NELL1: variants seen among roughly 807,000 people sequenced by gnomAD.
NELL1 encodes the protein neural EGFL like 1.
Under a neutral mutation model 107.4 loss-of-function variants are expected in NELL1, and 76 were observed. The observed-to-expected ratio is 0.71, with a 90% CI of 0.59 to 0.86. NELL1 has a LOEUF of 0.86. Among genes scored for constraint, NELL1 ranks in the 40% least tolerant of loss-of-function variants. The probability of loss-of-function intolerance (pLI) is 0.00; values close to 1 mark genes in which losing one functional copy is unlikely to be tolerated. For missense variants in NELL1, 1,024 were observed against 1,005.5 expected (o/e 1.02, Z -0.25); for synonymous variants, 353 against 341.2 (o/e 1.03, Z -0.38).
At chr11:21,481,420 G>T (rs1249178087) in intron 15 of NELL1, among the ~76,000 whole-genome samples, 1 of 152,186 alleles carries the variant, frequency 6.6e-6, no homozygotes, top group Non-Finnish European at 1.5e-5. Flanking sequence ...AGTGAAGATT[G>T]CAGCATGACT....
chr11:21,428,432 A>G (rs1159247739), intron 15 of NELL1, among the ~76,000 whole-genome samples: 1 of 152,172 alleles, frequency 6.6e-6, no homozygotes, highest in African/African-American at 2.4e-5. Flanking sequence ...CGATAAAGTT[A>G]TTATTGTTAC....
At chr11:20,804,432 C>T (rs561573620) in intron 3 of NELL1, among the ~76,000 whole-genome samples, 53 of 152,232 alleles carry the variant, frequency 3.5e-4, no homozygotes, top group Middle Eastern at 3.4e-3. Context: ...GATGGGGTTT[C>T]GCCATGTTGG....
chr11:21,379,474 G>C (rs1012876936), intron 15 of NELL1, among the ~76,000 whole-genome samples: 21 of 151,994 alleles, frequency 1.4e-4, no homozygotes, highest in African/African-American at 4.8e-4. Context: ...AATATTTAGG[G>C]ATATCGGTAA....
chr11:21,051,524 A>C (rs914268137), intron 12 of NELL1, among the ~76,000 whole-genome samples: 1 of 152,144 alleles, frequency 6.6e-6, no homozygotes, highest in Non-Finnish European at 1.5e-5. Flanking sequence ...TTCCCCAAAA[A>C]CTTGAGAAAA....
chr11:20,852,076 C>T (rs1414280067), intron 4 of NELL1, among the ~76,000 whole-genome samples: 1 of 152,188 alleles, frequency 6.6e-6, no homozygotes, highest in African/African-American at 2.4e-5. Context: ...TGCCGGCATC[C>T]CTACCCTGTG....
At chr11:21,367,374 T>C (rs1851252553) in intron 14 of NELL1, among the ~76,000 whole-genome samples, 1 of 151,854 alleles carries the variant, frequency 6.6e-6, no homozygotes. Context: ...CACATATCCA[T>C]GGTACCTGAG....
intron 2 of NELL1, among the ~76,000 whole-genome samples, chr11:20,701,083 C>T (rs1854770306): frequency 6.6e-6 from 1 of 152,198 alleles, no homozygotes; most frequent in African/African-American, 2.4e-5. Flanking sequence ...GGAATCGCCA[C>T]ACTGTCTTCC....
intron 14 of NELL1, among the ~76,000 whole-genome samples, chr11:21,236,334 A>G (rs972942275): frequency 2.6e-5 from 4 of 152,320 alleles, no homozygotes; most frequent in Admixed American, 1.3e-4. Context: ...GTAAATACAT[A>G]GATGCAAAAT....
In NELL1 at chr11:21,016,116, G is replaced by A. The variant is rs142965778; in HGVS notation, c.1300+55556G>A. On this transcript the variant is annotated intron_variant, in intron 12 of 19. Transcript: ENST00000357134. ...CACTAATGGATGGATAGCAGATAAC[G>A]AATATATCCGAAGCCTTACCTTTCT... 6.8e-3 allele frequency among the ~76,000 whole-genome samples: 1,035 copies of A among 152,144 alleles called. 8 individuals carry two copies. The highest frequency in any genetic ancestry group is 0.023 in the African/African-American group (961 of 41,512).
chr11:21,247,081 C>T (rs1858512382), intron 14 of NELL1, among the ~76,000 whole-genome samples: 1 of 152,098 alleles, frequency 6.6e-6, no homozygotes, highest in Non-Finnish European at 1.5e-5. Flanking sequence ...AAGAGTGGTA[C>T]ACCTATATAG....
intron 13 of NELL1, among the ~76,000 whole-genome samples, chr11:21,122,517 A>G (rs984721649): frequency 1.3e-5 from 2 of 152,146 alleles, no homozygotes; most frequent in African/African-American, 4.8e-5. Context: ...TGTACTTTTT[A>G]GAAGTATAGT....
chr11:21,462,829 A>C (rs1403170574), intron 15 of NELL1, among the ~76,000 whole-genome samples: 1 of 152,054 alleles, frequency 6.6e-6, no homozygotes, highest in Non-Finnish European at 1.5e-5. Context: ...TCAAATTTTG[A>C]GTAGTCTGCT....
At chr11:20,929,483 G>T (rs1221788153) in intron 9 of NELL1, among the ~76,000 whole-genome samples, 5 of 151,740 alleles carry the variant, frequency 3.3e-5, no homozygotes, top group African/African-American at 1.2e-4. Context: ...TGCTCTGGGG[G>T]ATGTACTTGG....
At chr11:21,135,652 A>G (rs1426674769) in intron 13 of NELL1, among the ~76,000 whole-genome samples, 1 of 152,214 alleles carries the variant, frequency 6.6e-6, no homozygotes, top group African/African-American at 2.4e-5. Flanking sequence ...GGGATATGTG[A>G]GCTAAGAAAT....
In NELL1 at chr11:21,260,508, C is replaced by T. The variant is rs559754217; in HGVS notation, c.1549+31054C>T. On this transcript the variant is annotated intron_variant, in intron 14 of 19. Coordinates refer to ENST00000357134, the MANE Select transcript of NELL1 (RefSeq NM_006157.5). ...GTCTTGGGCAGTATGGGGCAAAAGC[C>T]ATATGGAACATTCATCTTCATTTGA... The T allele has an allele frequency of 5.9e-5, 9 of 151,962 alleles. No homozygotes were observed. The East Asian group carries it at 1.7e-3, about 29-fold the overall frequency. The allele number at this position is 151,962 out of a possible 1,614,324, so 9.4% of individuals were successfully genotyped here.
intron 14 of NELL1, among the ~76,000 whole-genome samples, chr11:21,290,989 G>A (rs1849245921): frequency 6.6e-6 from 1 of 152,188 alleles, no homozygotes; most frequent in Non-Finnish European, 1.5e-5. Flanking sequence ...GACAGAGAAT[G>A]AGTTTCATGA....
At chr11:21,456,539 T>C (rs1184712855) in intron 15 of NELL1, among the ~76,000 whole-genome samples, 2 of 145,772 alleles carry the variant, frequency 1.4e-5, no homozygotes, top group Non-Finnish European at 3.1e-5. Flanking sequence ...TGAAAAAGTA[T>C]TTTTTTTTGG....
At chr11:21,199,775 C>T (rs1857227032) in intron 13 of NELL1, among the ~76,000 whole-genome samples, 2 of 143,144 alleles carry the variant, frequency 1.4e-5, no homozygotes, top group Non-Finnish European at 3.0e-5. Context: ...TTAGGTATTT[C>T]TCCTAATGCT....
chr11:21,010,737 C>G (rs1433087459), intron 12 of NELL1, among the ~76,000 whole-genome samples: 8 of 152,012 alleles, frequency 5.3e-5, no homozygotes, highest in African/African-American at 1.7e-4. Context: ...TAAAGCTTGA[C>G]TAGGAACATT....
Sources: allele counts gnomAD v4.1 joint callset (sites outside exome capture counted in the v4.1 genomes callset), GRCh38; gene constraint gnomAD v4.1.1; transcripts MANE v1.5; gene names NCBI Gene and HGNC (gene_info 2026-07-23, HGNC 2026-07-21).